The following ITGAM variants were observed in gnomAD, a reference collection of about 807,000 sequenced individuals.
ITGAM encodes the protein integrin subunit alpha M.
ITGAM carries 79 observed loss-of-function variants against 137.5 expected under a neutral mutation model. The observed-to-expected ratio is 0.57, with a 90% CI of 0.48 to 0.69. ITGAM has a LOEUF of 0.69. Ranked by LOEUF, ITGAM falls within the 30% of genes least tolerant of loss-of-function variation. ITGAM has a pLI of 0.00. For missense variants in ITGAM, 1,343 were observed against 1,483.5 expected (o/e 0.91, Z 1.56); for synonymous variants, 583 against 592.3 (o/e 0.98, Z 0.23).
chr16:31,292,734 T>A (rs898202978), intron 12 of ITGAM, among the ~76,000 whole-genome samples: 1 of 152,158 alleles, frequency 6.6e-6, no homozygotes, highest in Admixed American at 6.5e-5. Context: ...TTCATGTGCA[T>A]GTGTCTTTAT....
chr16:31,271,709 G>A, intron 6 of ITGAM, 138 bp from the exon 7 acceptor site: 2 of 1,023,822 alleles, frequency 2.0e-6, no homozygotes, highest in Non-Finnish European at 2.9e-6. Flanking sequence ...TCTCCGTCCT[G>A]GTGAGGCAGG....
chr16:31,332,812 C>T lies in ITGAM; in HGVS notation c.*1105C>T, dbSNP rs1179813395. On this transcript the variant is annotated 3_prime_UTR_variant, in exon 30 of 30. Coordinates refer to ENST00000544665, the MANE Select transcript of ITGAM (RefSeq NM_000632.4). ...ATTTAACCAGTCTTCTTTTGATATA[C>T]TATTTTCATTCTCTTGTTATTGCAT... is the stretch of plus-strand genomic sequence containing the variant. 6.6e-6 allele frequency: 1 copy of T among 152,174 alleles called. No individual in the cohort carries two copies. The highest frequency in any genetic ancestry group is 1.5e-5 in the Non-Finnish European group (1 of 68,030). The allele number at this position is 152,174 out of a possible 1,614,324, so 9.4% of individuals were successfully genotyped here.
intron 12 of ITGAM, among the ~76,000 whole-genome samples, chr16:31,289,581 G>A (rs1028952324): frequency 1.3e-5 from 2 of 152,100 alleles, no homozygotes; most frequent in Admixed American, 1.3e-4. Flanking sequence ...ACAGGAAGGG[G>A]AACATCACAC....
intron 2 of ITGAM, 101 bp from the exon 3 acceptor site, chr16:31,265,294 G>C: frequency 1.9e-6 from 1 of 519,354 alleles, no homozygotes; most frequent in Non-Finnish European, 3.4e-6. Context: ...TTAGGAATCC[G>C]GGTATGGGCC....
chr16:31,312,382 T>C (rs2080343172), intron 14 of ITGAM, among the ~76,000 whole-genome samples: 1 of 152,184 alleles, frequency 6.6e-6, no homozygotes, highest in Admixed American at 6.5e-5. Context: ...ATTTTTGTTT[T>C]CAAAAAAGAC....
rs2080595049 is a variant in ITGAM at position 31,332,035 on chromosome 16, A to G, written c.*328A>G. ...TGCGAGTGTGTGCATGTGTGTGCTC[A>G]GGGGCGTGTGGCTCACGTGTGTGAC... On this transcript the variant is annotated 3_prime_UTR_variant, in exon 30 of 30. Transcript: ENST00000544665. 3.3e-6 allele frequency: 1 copy of G among 307,204 alleles called. No individual in the cohort carries two copies. The highest frequency in any genetic ancestry group is 2.2e-5 in the African/African-American group (1 of 45,726). The allele number at this position is 307,204 out of a possible 1,614,324, so 19.0% of individuals were successfully genotyped here.
chr16:31,263,762 T>A (rs1363950417), intron 2 of ITGAM, among the ~76,000 whole-genome samples: 1 of 151,122 alleles, frequency 6.6e-6, no homozygotes, highest in Non-Finnish European at 1.5e-5. Context: ...GTGTATTATT[T>A]TTCTTTTGAG....
intron 12 of ITGAM, among the ~76,000 whole-genome samples, chr16:31,290,061 A>G (rs1163766559): frequency 6.7e-6 from 1 of 150,040 alleles, no homozygotes; most frequent in Non-Finnish European, 1.5e-5. Context: ...AGCCTGGGCA[A>G]CAAGTGTGAA....
At chr16:31,264,500 C>T (rs1480697837) in intron 2 of ITGAM, among the ~76,000 whole-genome samples, 3 of 152,048 alleles carry the variant, frequency 2.0e-5, no homozygotes, top group East Asian at 1.9e-4. Context: ...CTGTGTGGGC[C>T]GGGTCCAGTG....
intron 11 of ITGAM, 59 bp from the exon 12 acceptor site, chr16:31,277,908 T>C (rs2079926696): frequency 6.5e-7 from 1 of 1,526,782 alleles, no homozygotes. Context: ...AAGGGGTGGG[T>C]CTGCATGGTG....
intron 22 of ITGAM, 53 bp downstream of exon 22, chr16:31,326,988 C>T: frequency 1.5e-6 from 2 of 1,362,604 alleles, no homozygotes; most frequent in South Asian, 2.3e-5. Flanking sequence ...ACGCCCCAGC[C>T]CCTGGCCCAT....
intron 14 of ITGAM, among the ~76,000 whole-genome samples, chr16:31,305,316 G>A (rs533031607): frequency 3.6e-4 from 55 of 152,240 alleles, no homozygotes; most frequent in African/African-American, 1.3e-3. Flanking sequence ...TTTGTAACCT[G>A]AGACTACTGA....
chr16:31,320,659 C>G (rs1352816582), intron 14 of ITGAM, among the ~76,000 whole-genome samples: 2 of 152,164 alleles, frequency 1.3e-5, no homozygotes, highest in Admixed American at 1.3e-4. Flanking sequence ...TGTTTTACCA[C>G]TGACTTCCCA....
chr16:31,275,798 TC>T lies in ITGAM; in HGVS notation c.1009+104del. The T allele has an allele frequency of 4.3e-6, 5 of 1,170,676 alleles. No homozygotes were observed. The South Asian group carries it at 6.0e-5, about 14-fold the overall frequency. The allele number at this position is 1,170,676 out of a possible 1,614,324, so 72.5% of individuals were successfully genotyped here. ...ATCCAGACCTTCCTAACCCTTGGTATCCCCCAGCATCAACTCTCTCCACTTC... is the reference window on the plus strand; with the variant it reads ...ATCCAGACCTTCCTAACCCTTGGTATCCCCAGCATCAACTCTCTCCACTTC... On this transcript the variant is annotated intron_variant, in intron 9 of 29. Transcript: ENST00000544665.
At chr16:31,286,907 GT>G (rs1457019859) in intron 12 of ITGAM, among the ~76,000 whole-genome samples, 1 of 152,174 alleles carries the variant, frequency 6.6e-6, no homozygotes, top group Non-Finnish European at 1.5e-5. Flanking sequence ...TTAGCCGAAA[GT>G]TCTTTGCCAA....
In ITGAM at chr16:31,314,213, T is replaced by G. The variant is rs950527352; in HGVS notation, c.1708-7028T>G. Among the ~76,000 whole-genome samples the G allele has an allele frequency of 3.3e-5, 5 of 152,216 alleles. 1 individual carries two copies. In the South Asian group the frequency reaches 1.0e-3, roughly 31 times the overall value. ...ACTCTGATGATAGTTTCTTTTGCTG[T>G]GCAGAAGCTCTTTAGTTTAATTAGA... On this transcript the variant is annotated intron_variant, in intron 14 of 29. Coordinates refer to ENST00000544665, the MANE Select transcript of ITGAM (RefSeq NM_000632.4).
chr16:31,284,252 G>A (rs2080002954), intron 12 of ITGAM, among the ~76,000 whole-genome samples: 1 of 152,234 alleles, frequency 6.6e-6, no homozygotes, highest in Non-Finnish European at 1.5e-5. Flanking sequence ...TCTCTTCAAA[G>A]CTGTCAGACA....
intron 14 of ITGAM, among the ~76,000 whole-genome samples, chr16:31,318,035 C>T (rs1179855036): frequency 6.6e-6 from 1 of 152,106 alleles, no homozygotes; most frequent in Non-Finnish European, 1.5e-5. Flanking sequence ...GCCTGAGAAG[C>T]CACCAGGTCC....
intron 14 of ITGAM, among the ~76,000 whole-genome samples, chr16:31,309,709 T>C (rs1290001988): frequency 2.0e-5 from 3 of 152,174 alleles, no homozygotes; most frequent in African/African-American, 4.8e-5. Context: ...TGTTAGCTGG[T>C]TATTTTGCTC....
Sources: gnomAD v4.1 joint callset for allele counts (sites outside exome capture counted in the v4.1 genomes callset) on GRCh38, gnomAD v4.1.1 for gene constraint, MANE v1.5 for transcripts, NCBI Gene and HGNC (gene_info 2026-07-23, HGNC 2026-07-21) for gene names.